ZNF34: variants seen among roughly 807,000 people sequenced by gnomAD.
ZNF34 encodes the protein zinc finger protein 34.
A neutral mutation model predicts 14.4 loss-of-function variants in ZNF34; 8 were observed. The observed-to-expected ratio is 0.55, with a 90% confidence interval of 0.33 to 1.00. The LOEUF (loss-of-function observed/expected upper bound fraction) is 1.00. Ranked by LOEUF, ZNF34 falls within the 50% of genes least tolerant of loss-of-function variation. The pLI is 0.03. For missense variants in ZNF34, 538 were observed against 674.2 expected (o/e 0.80, Z 2.24); for synonymous variants, 235 against 247.9 (o/e 0.95, Z 0.49).
intron 1 of ZNF34, among the ~76,000 whole-genome samples, chr8:144,784,338 G>A (rs1826091608): frequency 1.3e-5 from 2 of 151,584 alleles, no homozygotes; most frequent in Admixed American, 1.3e-4. Flanking sequence ...CAATATTAAT[G>A]GCAATGAAGA....
chr8:144,784,031 G>T (rs972700681), intron 1 of ZNF34, among the ~76,000 whole-genome samples: 1 of 151,976 alleles, frequency 6.6e-6, no homozygotes, highest in African/African-American at 2.4e-5. Context: ...ATGGTGGCAG[G>T]CGCCTGTAGT....
At position 144,778,056 on chromosome 8, in the gene ZNF34, C is replaced by G. The variant is rs371040690; in HGVS notation, c.142G>C (p.Gly48Arg). 1 of 1,613,978 alleles carries G rather than the reference C, an allele frequency of 6.2e-7. No individual in the cohort carries two copies. Among genetic ancestry groups the G allele is most frequent in the Non-Finnish European group, 8.5e-7 (1 of 1,179,930 alleles). The change falls in exon 4 of 6, where the codon GGG becomes CGG. Residue 48 changes from glycine (G) to arginine (R), a missense_variant. By Grantham distance (125) the Gly-to-Arg change is moderately radical. Around this residue, in one of 3 missense-constraint regions of ZNF34, gnomAD observed 431 missense variants for 525.7 expected, o/e 0.82. Coordinates refer to ENST00000429371, the MANE Select transcript of ZNF34 (RefSeq NM_001286769.2). Reference protein sequence around the residue: ...LYRDVMLETYGNLVSLGVGPA... With the variant: ...LYRDVMLETYRNLVSLGVGPA... ...GCCTTACCCAGTGAGACTAGGTTCC[C>G]GTAGGTCTCCAGCATCACGTCCCTG...
intron 1 of ZNF34, among the ~76,000 whole-genome samples, chr8:144,785,121 A>G (rs1275115141): frequency 6.6e-6 from 1 of 151,636 alleles, no homozygotes; most frequent in East Asian, 1.9e-4. Flanking sequence ...AAAAAAAAAA[A>G]AAAAAAAAGA....
chr8:144,774,786 G>A (rs550468915), intron 5 of ZNF34, among the ~76,000 whole-genome samples, 181 bp from the exon 6 acceptor site: 2 of 152,278 alleles, frequency 1.3e-5, no homozygotes, highest in African/African-American at 4.8e-5. Flanking sequence ...CAGTCATACA[G>A]CCCTTCAAAC....
intron 1 of ZNF34, among the ~76,000 whole-genome samples, chr8:144,783,151 C>T (rs35298220): frequency 0.54 from 82,249 of 150,928 alleles, 22,881 homozygotes; most frequent in African/African-American, 0.66. Context: ...ATTGGTGGCA[C>T]ATGCCTGTAG....
At chr8:144,780,088 TTGGGAGGCTGAGG>T (rs1433491098) in intron 2 of ZNF34, 127 bp downstream of exon 2, 1 of 608,726 alleles carries the variant, frequency 1.6e-6, no homozygotes, top group African/African-American at 1.9e-5. Flanking sequence ...TCCCAGCTAC[TTGGGAGGCTGAGG>T]TGGGAGGATC....
In ZNF34 at chr8:144,777,048, T is replaced by C. The variant is rs1825567517; in HGVS notation, c.280+410A>G. 6.6e-6 allele frequency among the ~76,000 whole-genome samples: 1 copy of C among 152,112 alleles called. No individual in the cohort carries two copies. The highest frequency in any genetic ancestry group is 2.4e-5 in the African/African-American group (1 of 41,418). ...CAGGGTGATGTGTAGTCTCTCACTT[T>C]TCCGCAGTGTATTAATTTAGAAGAG... On this transcript the variant is annotated intron_variant, in intron 5 of 5. Coordinates refer to ENST00000429371, the MANE Select transcript of ZNF34 (RefSeq NM_001286769.2). The surrounding 1 kb of genome is among the most constrained non-coding windows in gnomAD (Gnocchi z 4.8).
chr8:144,785,054 C>T (rs1405066365), intron 1 of ZNF34, among the ~76,000 whole-genome samples: 6 of 134,572 alleles, frequency 4.5e-5, no homozygotes, highest in Non-Finnish European at 7.7e-5. Context: ...GAGATGGAGG[C>T]TGCAGGGAGC....
At chr8:144,785,979 G>GTTTT (rs35149527) in intron 1 of ZNF34, among the ~76,000 whole-genome samples, 9 of 99,302 alleles carry the variant, frequency 9.1e-5, no homozygotes, top group Admixed American at 3.4e-4. Flanking sequence ...TACATAGGTA[G>GTTTT]TTTTTTTTTT....
Position 144,777,724 on chromosome 8 carries a change from C to A in ZNF34, c.161-147G>T. The A allele has an allele frequency of 1.9e-6, 2 of 1,060,502 alleles. No individual in the cohort carries two copies. Among genetic ancestry groups the A allele is most frequent in the Non-Finnish European group, 2.7e-6 (2 of 748,700 alleles). 65.7% of individuals were successfully genotyped at this position (1,060,502 alleles called of 1,614,324 possible). On this transcript the variant is annotated intron_variant, in intron 4 of 5. Coordinates refer to ENST00000429371, the MANE Select transcript of ZNF34 (RefSeq NM_001286769.2). The surrounding 1 kb of genome is among the most constrained non-coding windows in gnomAD (Gnocchi z 4.8). ...CTCTCTGGAGGGCACTGAGATTGGGCTGGGGCAGTCCTGAGCATAAGGGAA... is the reference window on the plus strand; with the variant it reads ...CTCTCTGGAGGGCACTGAGATTGGGATGGGGCAGTCCTGAGCATAAGGGAA...
At chr8:144,783,071 G>A (rs1282216618) in intron 1 of ZNF34, among the ~76,000 whole-genome samples, 1 of 151,802 alleles carries the variant, frequency 6.6e-6, no homozygotes. Flanking sequence ...AGGCCAAGGC[G>A]GGAAGATGGC....
rs1021071668 is a variant in ZNF34 at position 144,772,973 on chromosome 8, T to G, written c.*293A>C. The G allele has an allele frequency of 3.4e-6, 1 of 292,284 alleles. No individual in the cohort carries two copies. The highest frequency in any genetic ancestry group is 6.3e-6 in the Non-Finnish European group (1 of 157,782). 18.1% of individuals were successfully genotyped at this position (292,284 alleles called of 1,614,324 possible). A position where few individuals can be genotyped will look rare whatever the true frequency, so the allele number is the denominator to read the frequency against. ...CAATGACAAGCATTACGGTATTTTC[T>G]TTTTAAAATGCTCTCCAGTATGTCT... On this transcript the variant is annotated 3_prime_UTR_variant, in exon 6 of 6. Transcript: ENST00000429371.
intron 1 of ZNF34, among the ~76,000 whole-genome samples, chr8:144,784,683 G>C (rs961110294): frequency 6.6e-6 from 1 of 151,944 alleles, no homozygotes; most frequent in Non-Finnish European, 1.5e-5. Flanking sequence ...GCTTGAACCC[G>C]GGAGGCGGAG....
chr8:144,773,409 G>A lies in ZNF34; in HGVS notation c.1477C>T (p.Gln493Ter). The A allele has an allele frequency of 6.2e-7, 1 of 1,614,014 alleles. No homozygotes were observed. ...CGGTGCTGAATCAAGTACGTGCTCT[G>A]GCTGAAGGCTTTCTTGCAATCGCTG... Reference protein sequence around the residue: ...RCSDCKKAFSQSTYLIQHRRI... With the variant: ...RCSDCKKAFS Residue 493 changes from glutamine to a stop codon, truncating the protein, a stop_gained, in exon 6 of 6, where the codon CAG becomes TAG. Coordinates refer to ENST00000429371, the MANE Select transcript of ZNF34 (RefSeq NM_001286769.2). LOFTEE classifies it low-confidence loss of function (END_TRUNC). The surrounding 1 kb of genome is among the most constrained non-coding windows in gnomAD (Gnocchi z 5.4).
At chr8:144,774,632 G>A (rs1413920817) in intron 5 of ZNF34, 27 bp from the exon 6 acceptor site, 1 of 1,586,410 alleles carries the variant, frequency 6.3e-7, no homozygotes, top group African/African-American at 1.3e-5. Context: ...AACATCTAAG[G>A]GTCACCTGCT....
intron 1 of ZNF34, among the ~76,000 whole-genome samples, chr8:144,786,067 C>G (rs946337953): frequency 6.7e-6 from 1 of 148,998 alleles, no homozygotes; most frequent in Non-Finnish European, 1.5e-5. Flanking sequence ...TCACTGCAAG[C>G]TCCGCCTCCC....
rs781533043 is a variant in ZNF34, at chr8:144,773,857, T to G, written c.1029A>C (p.Lys343Asn). 1.1e-5 allele frequency: 17 copies of G among 1,613,760 alleles called. No individual in the cohort carries two copies. The highest frequency in any genetic ancestry group is 1.4e-5 in the Non-Finnish European group (17 of 1,179,960). ...TGAAGGCTTTCCCGCAGTCATTACA[T>G]TTATAGGGTTTCTCTCCGGTGTGGA... ...QRIHTGEKPY[K>N]CNDCGKAFSD... The change falls in exon 6 of 6, where the codon AAA becomes AAC. Residue 343 changes from lysine (K) to asparagine (N), a missense_variant. This residue lies in a region of ZNF34 where 431 missense variants were observed against 525.7 expected (regional missense o/e 0.82). Coordinates refer to ENST00000429371, the MANE Select transcript of ZNF34 (RefSeq NM_001286769.2). The surrounding 1 kb of genome is among the most constrained non-coding windows in gnomAD (Gnocchi z 5.4).
intron 1 of ZNF34, among the ~76,000 whole-genome samples, chr8:144,784,164 A>T (rs905364691): frequency 1.7e-4 from 26 of 149,614 alleles, no homozygotes; most frequent in Middle Eastern, 3.4e-3. Flanking sequence ...CGTCTCCAGA[A>T]AAAAAAAAAA....
chr8:144,785,119 A>G (rs184361488), intron 1 of ZNF34, among the ~76,000 whole-genome samples: 185 of 147,454 alleles, frequency 1.3e-3, no homozygotes, highest in Middle Eastern at 3.5e-3. Context: ...AAAAAAAAAA[A>G]AAAAAAAAAA....
Sources: allele counts gnomAD v4.1 joint callset (sites outside exome capture counted in the v4.1 genomes callset), GRCh38; gene constraint gnomAD v4.1.1; regional missense constraint gnomAD v4.1.1; non-coding constraint Gnocchi (gnomAD v3.1); transcripts MANE v1.5; gene names NCBI Gene and HGNC (gene_info 2026-07-23, HGNC 2026-07-21).